The following DIS3L2 variants were observed in gnomAD, a reference collection of about 807,000 sequenced individuals.
DIS3L2 encodes DIS3-like exonuclease 2.
Under a neutral mutation model 97.5 loss-of-function variants are expected in DIS3L2, and 34 were observed. The observed-to-expected ratio is 0.35, with a 90% confidence interval of 0.27 to 0.46. The LOEUF (loss-of-function observed/expected upper bound fraction) is 0.46, where lower values mean the gene tolerates loss of function less well. Among genes scored for constraint, DIS3L2 ranks in the 20% least tolerant of loss-of-function variants. The pLI is 1.00. For synonymous variants in DIS3L2, 435 were observed against 445.2 expected, an observed-to-expected ratio of 0.98 and a Z score of 0.29; for missense variants, 1,038 against 1,146.0, an observed-to-expected ratio of 0.91 and a Z score of 1.36.
In DIS3L2 at chr2:232,292,418, C is replaced by A. The variant is rs1423625593; in HGVS notation, c.1660-7622C>A. Among the ~76,000 whole-genome samples, 1 of 152,148 alleles carries A rather than the reference C, an allele frequency of 6.6e-6. No individual in the cohort carries two copies. Among genetic ancestry groups the A allele is most frequent in the Non-Finnish European group, 1.5e-5 (1 of 68,026 alleles). ...CTTGCTGTCTCCATTGTCATCCTAC[C>A]CAGAAAGCTCAGACGGGCGGAAGGA... On this transcript the variant is annotated intron_variant, in intron 13 of 20. Transcript: ENST00000325385. This position sits in a 1 kb window ranked among gnomAD's most constrained non-coding sequence, Gnocchi z 4.4.
At position 232,292,785 on chromosome 2, in the gene DIS3L2, G is replaced by C. The variant is rs142607097; in HGVS notation, c.1660-7255G>C. On this transcript the variant is annotated intron_variant, in intron 13 of 20. Transcript: ENST00000325385. This position sits in a 1 kb window ranked among gnomAD's most constrained non-coding sequence, Gnocchi z 4.4. ...TGGGATGAAAGCCTTGCCTCTAACT[G>C]AACCCTTTTGAAGGCTTCCGCCCTC... Among the ~76,000 whole-genome samples the C allele has an allele frequency of 5.3e-5, 8 of 152,292 alleles. No homozygotes were observed. The East Asian group carries it at 1.5e-3, about 29-fold the overall frequency.
intron 16 of DIS3L2, among the ~76,000 whole-genome samples, chr2:232,332,726 C>T (rs915765129): frequency 1.3e-5 from 2 of 152,168 alleles, no homozygotes; most frequent in Non-Finnish European, 2.9e-5. Context: ...GTGTCAGAGA[C>T]GAGAAGGGCC....
intron 13 of DIS3L2, among the ~76,000 whole-genome samples, chr2:232,287,875 ACTAT>A (rs773691867): frequency 6.6e-6 from 1 of 152,238 alleles, no homozygotes; most frequent in Non-Finnish European, 1.5e-5. Flanking sequence ...AAAGAAATAG[ACTAT>A]CTAAGACACA....
chr2:232,009,248 TGTATGGGTCAC>T (rs1694132319), intron 1 of DIS3L2, among the ~76,000 whole-genome samples: 1 of 152,212 alleles, frequency 6.6e-6, no homozygotes, highest in African/African-American at 2.4e-5. Flanking sequence ...TCCCCTTCCA[TGTATGGGTCAC>T]GCTTTTCTGA....
intron 5 of DIS3L2, among the ~76,000 whole-genome samples, chr2:232,066,028 A>T (rs992827551): frequency 6.6e-6 from 1 of 151,880 alleles, no homozygotes; most frequent in Non-Finnish European, 1.5e-5. Flanking sequence ...AATGTCCTGC[A>T]ACCTAGTTAT....
At chr2:232,191,976 G>A (rs371590054) in intron 9 of DIS3L2, among the ~76,000 whole-genome samples, 3 of 152,068 alleles carry the variant, frequency 2.0e-5, no homozygotes, top group Non-Finnish European at 2.9e-5. Flanking sequence ...GGCACTCACC[G>A]AACATCCCTC....
chr2:232,124,096 C>T (rs1697986006), intron 6 of DIS3L2, among the ~76,000 whole-genome samples: 1 of 152,092 alleles, frequency 6.6e-6, no homozygotes, highest in African/African-American at 2.4e-5. Context: ...CCATAAGAAA[C>T]CACAAACAAC....
intron 1 of DIS3L2, among the ~76,000 whole-genome samples, chr2:231,993,159 A>C (rs980619755): frequency 2.6e-5 from 4 of 151,946 alleles, no homozygotes; most frequent in African/African-American, 9.7e-5. Flanking sequence ...CTACCCCTCT[A>C]TCCTCATTCA....
chr2:232,258,416 C>G (rs182253562), intron 12 of DIS3L2, among the ~76,000 whole-genome samples: 77 of 152,128 alleles, frequency 5.1e-4, no homozygotes, highest in Admixed American at 3.0e-3. Flanking sequence ...AACCCCGTCT[C>G]TACTAAAAAT....
At chr2:232,141,844 A>T (rs1050637061) in intron 8 of DIS3L2, among the ~76,000 whole-genome samples, 1 of 152,174 alleles carries the variant, frequency 6.6e-6, no homozygotes, top group Non-Finnish European at 1.5e-5. Flanking sequence ...TTTGATAGAT[A>T]CTCAGTTTCT....
At chr2:232,139,473 C>T (rs1311728895) in intron 8 of DIS3L2, among the ~76,000 whole-genome samples, 1 of 152,080 alleles carries the variant, frequency 6.6e-6, no homozygotes, top group East Asian at 1.9e-4. Context: ...TGTTTTCCCT[C>T]GTCAGTAGTT....
intron 17 of DIS3L2, 59 bp from the exon 18 acceptor site, chr2:232,334,310 G>A: frequency 6.3e-7 from 1 of 1,577,326 alleles, no homozygotes; most frequent in Non-Finnish European, 8.6e-7. Context: ...CCATCCCCCA[G>A]CCATAGCTCT....
chr2:232,163,288 T>TAA (rs1690707087), intron 8 of DIS3L2, among the ~76,000 whole-genome samples, 171 bp from the exon 9 acceptor site: 1 of 152,228 alleles, frequency 6.6e-6, no homozygotes, highest in Non-Finnish European at 1.5e-5. Flanking sequence ...AGAAGAGCAT[T>TAA]ACTGTGTCTT....
chr2:232,256,931 A>C (rs1327874374), intron 12 of DIS3L2, among the ~76,000 whole-genome samples: 1 of 152,138 alleles, frequency 6.6e-6, no homozygotes, highest in African/African-American at 2.4e-5. Flanking sequence ...CAGCTTGGCC[A>C]ACATGGTGAA....
chr2:232,085,275 C>T (rs539352922), intron 5 of DIS3L2, among the ~76,000 whole-genome samples: 1 of 152,296 alleles, frequency 6.6e-6, no homozygotes, highest in African/African-American at 2.4e-5. Context: ...AATTGCGCTT[C>T]TCACTAGTCG....
rs1195981975 is a variant in DIS3L2, at chr2:232,099,092, C to G, written c.601+11371C>G. 2.6e-5 allele frequency among the ~76,000 whole-genome samples: 4 copies of G among 152,132 alleles called. 1 individual carries two copies. Among genetic ancestry groups the G allele is most frequent in the Admixed American group, 2.6e-4 (4 of 15,282 alleles). The stretch of plus-strand genomic sequence containing the variant: ...AAGATTATCGTCTGGTTTCTCTCTT[C>G]TAAGTCTATTTCTGATGTTGAACCA... On this transcript the variant is annotated intron_variant, in intron 6 of 20. Coordinates refer to ENST00000325385, the MANE Select transcript of DIS3L2 (RefSeq NM_152383.5).
At chr2:232,197,415 A>T (rs1691784273) in intron 9 of DIS3L2, among the ~76,000 whole-genome samples, 1 of 152,182 alleles carries the variant, frequency 6.6e-6, no homozygotes, top group Non-Finnish European at 1.5e-5. Flanking sequence ...TCCTATTTTT[A>T]TATATCCTTT....
chr2:232,000,725 C>CTTT (rs35247478), intron 1 of DIS3L2, among the ~76,000 whole-genome samples: 5 of 91,140 alleles, frequency 5.5e-5, no homozygotes, highest in Admixed American at 1.2e-4. Context: ...TCTTCTTCTT[C>CTTT]TTTTTTTTTT....
chr2:232,209,281 G>A (rs1263140751), intron 9 of DIS3L2, among the ~76,000 whole-genome samples: 1 of 152,142 alleles, frequency 6.6e-6, no homozygotes, highest in East Asian at 1.9e-4. Context: ...TCTGAAGACA[G>A]GGTCTCGCTC....
Sources: gnomAD v4.1 joint callset for allele counts (sites outside exome capture counted in the v4.1 genomes callset) on GRCh38, gnomAD v4.1.1 for gene constraint, Gnocchi (gnomAD v3.1) non-coding constraint, MANE v1.5 for transcripts, NCBI Gene and HGNC (gene_info 2026-07-23, HGNC 2026-07-21) for gene names.